FABP7: variants seen among roughly 807,000 people sequenced by gnomAD.
FABP7 encodes fatty acid binding protein 7.
FABP7 carries 13 observed loss-of-function variants against 14.2 expected under a neutral mutation model. The observed-to-expected ratio is 0.91, with a 90% CI of 0.59 to 1.45. FABP7 has a LOEUF of 1.45. Ranked by LOEUF, FABP7 falls within the 40% of genes most tolerant of loss-of-function variation. The pLI, the probability that FABP7 is intolerant of heterozygous loss-of-function variation, is 0.00. For synonymous variants in FABP7, 49 were observed against 51.4 expected, an observed-to-expected ratio of 0.95 and a Z score of 0.20; for missense variants, 149 against 157.6, an observed-to-expected ratio of 0.95 and a Z score of 0.29.
chr6:122,776,458 CA>C (rs1312255891), upstream of FABP7, among the ~76,000 whole-genome samples: 1 of 151,352 alleles, frequency 6.6e-6, no homozygotes, highest in Non-Finnish European at 1.5e-5. Flanking sequence ...ATGTGGGAGC[CA>C]AAAAAAATCA....
chr6:122,774,633 C>T, the FABP7 span, among the ~76,000 whole-genome samples: 1 of 151,704 alleles, frequency 6.6e-6, no homozygotes, highest in Non-Finnish European at 1.5e-5. Flanking sequence ...TTTTATTCAA[C>T]ATGGTATTGG....
the FABP7 span, among the ~76,000 whole-genome samples, chr6:122,762,858 G>C: frequency 3.8e-4 from 57 of 151,874 alleles, no homozygotes; most frequent in African/African-American, 1.3e-3. Flanking sequence ...TTCTTCAAGG[G>C]GAACTACAAA....
chr6:122,783,473 A>G (rs1780845250), intron 3 of FABP7: 1 of 985,460 alleles, frequency 1.0e-6, no homozygotes, highest in Admixed American at 6.1e-5. Context: ...ATTTAAGGCT[A>G]AAGAAATTCT....
chr6:122,764,875 C>G, the FABP7 span, among the ~76,000 whole-genome samples: 1 of 152,120 alleles, frequency 6.6e-6, no homozygotes, highest in South Asian at 2.1e-4. Context: ...TTGTCTCAAA[C>G]AGCAGACTCA....
the FABP7 span, among the ~76,000 whole-genome samples, chr6:122,770,666 C>A: frequency 6.6e-6 from 1 of 152,128 alleles, no homozygotes; most frequent in African/African-American, 2.4e-5. Context: ...ATGTCAAAAT[C>A]TTGATAAACT....
In FABP7 at chr6:122,782,521, T is replaced by C. The variant is rs1002585994; in HGVS notation, c.349-1196T>C. The C allele has an allele frequency of 4.3e-5, 42 of 982,688 alleles. 1 individual carries two copies. In the South Asian group the frequency reaches 1.5e-3, roughly 35 times the overall value. The allele number at this position is 982,688 out of a possible 1,614,324, so 60.9% of individuals were successfully genotyped here. ...AATTAACAAATAATTTATCTAATGA[T>C]GGAGTAGTATCACAAACTAGGAGAA... is the stretch of plus-strand genomic sequence containing the variant. On this transcript the variant is annotated intron_variant, in intron 3 of 3. Transcript: ENST00000368444.
In FABP7 at chr6:122,779,833, C is replaced by T; in HGVS notation, c.39C>T (p.Asn13=). The change falls in exon 1 of 4, where the codon AAC becomes AAT. Residue 13 remains asparagine (N), a synonymous_variant. Coordinates refer to ENST00000368444, the MANE Select transcript of FABP7 (RefSeq NM_001446.5). ...TCTGTGCTACCTGGAAGCTGACCAA[C>T]AGTCAGAACTTTGATGAGTACATGA... ...EAFCATWKLT[N]SQNFDEYMKA... 1 of 1,614,142 alleles carries T rather than the reference C, an allele frequency of 6.2e-7. No homozygotes were observed. The highest frequency in any genetic ancestry group is 8.5e-7 in the Non-Finnish European group (1 of 1,180,022).
At chr6:122,772,725 A>C in the FABP7 span, among the ~76,000 whole-genome samples, 1 of 152,130 alleles carries the variant, frequency 6.6e-6, no homozygotes, top group Non-Finnish European at 1.5e-5. Context: ...GGCCAAGTCT[A>C]TACTTTCTAA....
the FABP7 span, among the ~76,000 whole-genome samples, chr6:122,762,139 C>G: frequency 6.6e-6 from 1 of 152,140 alleles, no homozygotes; most frequent in Non-Finnish European, 1.5e-5. Flanking sequence ...CAAAAATCCT[C>G]AATAAAATAC....
the FABP7 span, among the ~76,000 whole-genome samples, chr6:122,760,874 CTA>C: frequency 2.0e-5 from 3 of 151,924 alleles, no homozygotes; most frequent in Non-Finnish European, 4.4e-5. Flanking sequence ...TGATATATCA[CTA>C]TTATAACTTA....
At chr6:122,769,151 G>T in the FABP7 span, among the ~76,000 whole-genome samples, 1 of 152,072 alleles carries the variant, frequency 6.6e-6, no homozygotes. Context: ...GGTAGCAGCA[G>T]CAGGAATCTG....
chr6:122,768,370 T>A, the FABP7 span, among the ~76,000 whole-genome samples: 1 of 152,100 alleles, frequency 6.6e-6, no homozygotes, highest in Non-Finnish European at 1.5e-5. Context: ...CAAAATAAAC[T>A]ATTGCACATG....
chr6:122,771,043 G>A, the FABP7 span, among the ~76,000 whole-genome samples: 9 of 152,188 alleles, frequency 5.9e-5, no homozygotes, highest in Non-Finnish European at 8.8e-5. Context: ...ATTTGCTGTT[G>A]AGATTCAGCC....
chr6:122,767,624 TTGG>T, the FABP7 span, among the ~76,000 whole-genome samples: 2 of 151,936 alleles, frequency 1.3e-5, no homozygotes, highest in African/African-American at 4.8e-5. Context: ...TTTAAATCAC[TTGG>T]TGGCCAGGCA....
At chr6:122,765,400 G>A in the FABP7 span, among the ~76,000 whole-genome samples, 2 of 151,906 alleles carry the variant, frequency 1.3e-5, no homozygotes, top group Non-Finnish European at 2.9e-5. Context: ...AAGATAGATC[G>A]ATTTAGATAT....
chr6:122,767,330 G>T, the FABP7 span, among the ~76,000 whole-genome samples: 1 of 151,950 alleles, frequency 6.6e-6, no homozygotes, highest in African/African-American at 2.4e-5. Flanking sequence ...TTGCTTTTCC[G>T]GTTATTAGGA....
At chr6:122,772,563 A>G in the FABP7 span, among the ~76,000 whole-genome samples, 1 of 152,076 alleles carries the variant, frequency 6.6e-6, no homozygotes, top group South Asian at 2.1e-4. Context: ...GACTACAGGC[A>G]TGTGCCACCA....
chr6:122,749,444 GTCTC>G, the FABP7 span, among the ~76,000 whole-genome samples: 8 of 152,112 alleles, frequency 5.3e-5, no homozygotes, highest in Admixed American at 6.5e-5. Context: ...ATGATTAATA[GTCTC>G]TCTCTCTGTT....
chr6:122,780,248 T>C (rs1355110518), intron 1 of FABP7, 43 bp from the exon 2 acceptor site: 5 of 1,601,682 alleles, frequency 3.1e-6, no homozygotes, highest in Admixed American at 1.7e-5. Context: ...GTGAGTTATT[T>C]TGGAAGTCGC....
Sources: allele counts gnomAD v4.1 joint callset (sites outside exome capture counted in the v4.1 genomes callset), GRCh38; gene constraint gnomAD v4.1.1; transcripts MANE v1.5; gene names NCBI Gene and HGNC (gene_info 2026-07-23, HGNC 2026-07-21).